AGO3: variants seen among roughly 807,000 people sequenced by gnomAD.
AGO3 encodes argonaute RISC catalytic component 3, also known as protein argonaute-3.
A neutral mutation model predicts 105.5 loss-of-function variants in AGO3; 16 were observed. The ratio of observed to expected loss-of-function variants is 0.15; its 90% CI spans 0.10 to 0.23. The LOEUF (loss-of-function observed/expected upper bound fraction) is 0.23. Among genes scored for constraint, AGO3 ranks in the 10% least tolerant of loss-of-function variants. The probability of loss-of-function intolerance (pLI) is 1.00; values close to 1 mark genes in which losing one functional copy is unlikely to be tolerated. For missense variants in AGO3, 534 were observed against 1,088.0 expected, an observed-to-expected ratio of 0.49 and a Z score of 7.16; for synonymous variants, 340 against 367.3, an observed-to-expected ratio of 0.93 and a Z score of 0.85.
intron 17 of AGO3, among the ~76,000 whole-genome samples, chr1:36,044,172 C>T (rs1377619026): frequency 6.6e-6 from 1 of 152,014 alleles, no homozygotes; most frequent in African/African-American, 2.4e-5. Context: ...TAGAGAAACC[C>T]CGTCTCTACA....
Position 36,054,929 on chromosome 1 carries a change from C to A in AGO3, c.2275-17C>A. 1 of 1,610,542 alleles carries A rather than the reference C, an allele frequency of 6.2e-7. No individual in the cohort carries two copies. The highest frequency in any genetic ancestry group is 1.1e-5 in the South Asian group (1 of 90,916). On this transcript the variant is annotated splice_polypyrimidine_tract_variant and intron_variant, in intron 17 of 18. Coordinates refer to ENST00000373191, the MANE Select transcript of AGO3 (RefSeq NM_024852.4). Reference sequence around the variant, plus strand: ...GAGTTCAAAATTCAACAGTGTATGTCATTGCCTTCTCTATAGGGTACCAGT... The same window carrying A: ...GAGTTCAAAATTCAACAGTGTATGTAATTGCCTTCTCTATAGGGTACCAGT...
chr1:35,968,213 AT>A (rs1646808109), intron 3 of AGO3, among the ~76,000 whole-genome samples: 1 of 152,156 alleles, frequency 6.6e-6, no homozygotes, highest in African/African-American at 2.4e-5. Flanking sequence ...CTATTGGGGT[AT>A]TCTTTTCCTC....
intron 2 of AGO3, among the ~76,000 whole-genome samples, chr1:35,958,837 T>C (rs1206275274): frequency 6.6e-6 from 1 of 152,214 alleles, no homozygotes; most frequent in Non-Finnish European, 1.5e-5. Flanking sequence ...TTAGTTGTGT[T>C]TTATAAACCT....
Position 36,009,559 on chromosome 1 carries a change from T to A in AGO3, c.1114T>A (p.Ser372Thr). 6.2e-7 allele frequency: 1 copy of A among 1,613,534 alleles called. No homozygotes were observed. The highest frequency in any genetic ancestry group is 8.5e-7 in the Non-Finnish European group (1 of 1,179,848). Residue 372 changes from serine to threonine, a missense_variant, in exon 9 of 19, where the codon TCT becomes ACT. Around this residue, in one of 2 missense-constraint regions of AGO3, gnomAD observed 373 missense variants for 854.0 expected, o/e 0.44. Coordinates refer to ENST00000373191, the MANE Select transcript of AGO3 (RefSeq NM_024852.4). ...TSTMIKATAR[S>T]APDRQEEISR... is the part of the protein sequence containing the mutation. ...CACTATGATCAAGGCAACAGCAAGA[T>A]CTGCACCAGATAGACAAGAGGAAAT... is the stretch of plus-strand genomic sequence containing the variant.
intron 2 of AGO3, among the ~76,000 whole-genome samples, chr1:35,960,651 A>G (rs1433043435): frequency 6.6e-6 from 1 of 152,110 alleles, no homozygotes; most frequent in Non-Finnish European, 1.5e-5. Context: ...CTTTAAAAAA[A>G]ATTCTAAATA....
intron 2 of AGO3, among the ~76,000 whole-genome samples, chr1:35,951,435 T>C (rs1473583815): frequency 6.6e-6 from 1 of 152,244 alleles, no homozygotes; most frequent in Admixed American, 6.5e-5. Context: ...TCTCGCTCTG[T>C]CACCCAGGCT....
intron 2 of AGO3, among the ~76,000 whole-genome samples, chr1:35,950,591 C>G (rs1040071975): frequency 7.9e-5 from 12 of 151,996 alleles, no homozygotes; most frequent in African/African-American, 2.9e-4. Context: ...TCCTTCTTTT[C>G]CCCCTATTAA....
chr1:35,936,264 A>G (rs1646144074), intron 1 of AGO3, among the ~76,000 whole-genome samples: 1 of 152,190 alleles, frequency 6.6e-6, no homozygotes, highest in South Asian at 2.1e-4. Context: ...TTAAAAAAAA[A>G]AAACCAACTA....
intron 2 of AGO3, among the ~76,000 whole-genome samples, chr1:35,964,060 A>T (rs1175520079): frequency 6.6e-6 from 1 of 152,118 alleles, no homozygotes; most frequent in Admixed American, 6.6e-5. Context: ...ATATATATAT[A>T]TTTTGCCAAA....
At chr1:36,002,579 G>A (rs991754185) in intron 5 of AGO3, among the ~76,000 whole-genome samples, 1 of 151,690 alleles carries the variant, frequency 6.6e-6, no homozygotes, top group Non-Finnish European at 1.5e-5. Flanking sequence ...CAGTCCACCC[G>A]CCTCGGCCTC....
At chr1:36,014,543 G>A (rs535558258) in intron 11 of AGO3, among the ~76,000 whole-genome samples, 2 of 151,504 alleles carry the variant, frequency 1.3e-5, no homozygotes, top group African/African-American at 2.4e-5. Context: ...AGGCCAGGGC[G>A]GGTGGATCAC....
chr1:35,987,645 A>G (rs1433731970), intron 5 of AGO3, among the ~76,000 whole-genome samples: 2 of 152,110 alleles, frequency 1.3e-5, no homozygotes, highest in Non-Finnish European at 2.9e-5. Context: ...AAAAAGAGAA[A>G]TGGAATAAGG....
chr1:36,039,773 T>C lies in AGO3; in HGVS notation c.1843-17T>C. 7.4e-7 allele frequency: 1 copy of C among 1,360,478 alleles called. No homozygotes were observed. The highest frequency in any genetic ancestry group is 9.6e-7 in the Non-Finnish European group (1 of 1,038,230). 84.3% of individuals were successfully genotyped at this position (1,360,478 alleles called of 1,614,324 possible). A position where few individuals can be genotyped will look rare whatever the true frequency, so the allele number is the denominator to read the frequency against. On this transcript the variant is annotated splice_polypyrimidine_tract_variant and intron_variant, in intron 14 of 18. Coordinates refer to ENST00000373191, the MANE Select transcript of AGO3 (RefSeq NM_024852.4). Reference sequence around the variant, plus strand: ...TTTTTATTTATTTATTTATTTATTTTACTTTTTCTAACCTAGGTTGTAGGT... The same window carrying C: ...TTTTTATTTATTTATTTATTTATTTCACTTTTTCTAACCTAGGTTGTAGGT...
chr1:36,010,648 C>G (rs912451504), intron 9 of AGO3, among the ~76,000 whole-genome samples: 2 of 150,940 alleles, frequency 1.3e-5, no homozygotes, highest in Non-Finnish European at 3.0e-5. Flanking sequence ...TGGCTCATGC[C>G]TGTAATCCCA....
intron 11 of AGO3, among the ~76,000 whole-genome samples, chr1:36,017,599 T>A (rs1449104385): frequency 1.3e-5 from 2 of 152,098 alleles, no homozygotes; most frequent in Non-Finnish European, 2.9e-5. Context: ...ATTGCCTCAT[T>A]ACATTAACTC....
chr1:35,974,850 G>A (rs670817), intron 5 of AGO3, among the ~76,000 whole-genome samples: 3 of 152,084 alleles, frequency 2.0e-5, no homozygotes, highest in East Asian at 3.9e-4. Flanking sequence ...TCTTGCTTTC[G>A]GGCACAGCAG....
At chr1:35,999,718 A>G (rs1639996569) in intron 5 of AGO3, among the ~76,000 whole-genome samples, 3 of 152,172 alleles carry the variant, frequency 2.0e-5, no homozygotes, top group Admixed American at 2.0e-4. Context: ...CCTTAAATCT[A>G]GTAACATTGC....
intron 2 of AGO3, among the ~76,000 whole-genome samples, chr1:35,952,272 A>G (rs2148756405): frequency 6.7e-6 from 1 of 149,760 alleles, no homozygotes; most frequent in East Asian, 2.0e-4. Flanking sequence ...CCTCCCAAGT[A>G]GCTGGGACTA....
chr1:35,961,725 G>A (rs984918784), intron 2 of AGO3, among the ~76,000 whole-genome samples: 30 of 152,124 alleles, frequency 2.0e-4, no homozygotes, highest in African/African-American at 7.0e-4. Flanking sequence ...ACTCCAAGAT[G>A]TAAAATGATC....
Sources: allele counts gnomAD v4.1 joint callset (sites outside exome capture counted in the v4.1 genomes callset), GRCh38; gene constraint gnomAD v4.1.1; regional missense constraint gnomAD v4.1.1; transcripts MANE v1.5; gene names NCBI Gene and HGNC (gene_info 2026-07-23, HGNC 2026-07-21).